NBEA: variants seen among roughly 807,000 people sequenced by gnomAD.
NBEA encodes neurobeachin.
In NBEA, 44 loss-of-function variants were observed where a neutral mutation model predicts 343.4. The ratio of observed to expected loss-of-function variants is 0.13; its 90% CI spans 0.10 to 0.16. The LOEUF is 0.16. Among genes scored for constraint, NBEA ranks in the 10% least tolerant of loss-of-function variants. The probability of loss-of-function intolerance (pLI) is 1.00; values close to 1 mark genes in which losing one functional copy is unlikely to be tolerated. For missense variants in NBEA, 2,555 were observed against 3,631.3 expected (o/e 0.70, Z 7.62); for synonymous variants, 1,175 against 1,238.7 (o/e 0.95, Z 1.08).
intron 36 of NBEA, among the ~76,000 whole-genome samples, chr13:35,337,509 A>G (rs578086622): frequency 6.6e-6 from 1 of 152,228 alleles, no homozygotes; most frequent in South Asian, 2.1e-4. Flanking sequence ...TCAAGCAAAA[A>G]CATACAGAAC....
chr13:35,423,809 A>G (rs566935443), intron 38 of NBEA, among the ~76,000 whole-genome samples: 21 of 151,954 alleles, frequency 1.4e-4, no homozygotes, highest in Non-Finnish European at 2.1e-4. Context: ...ATTTGTTTGT[A>G]TCCTCTTTTA....
chr13:35,340,938 AC>A (rs1316671622), intron 36 of NBEA, among the ~76,000 whole-genome samples: 1 of 152,054 alleles, frequency 6.6e-6, no homozygotes, highest in Non-Finnish European at 1.5e-5. Context: ...GGATAACCAA[AC>A]CTATATTAAA....
At chr13:35,170,847 T>C (rs911869568) in intron 25 of NBEA, among the ~76,000 whole-genome samples, 1 of 151,864 alleles carries the variant, frequency 6.6e-6, no homozygotes, top group Non-Finnish European at 1.5e-5. Context: ...ATCATACATC[T>C]ATAGGAAAGA....
intron 41 of NBEA, among the ~76,000 whole-genome samples, chr13:35,534,835 G>A (rs562209827): frequency 1.3e-5 from 2 of 152,176 alleles, no homozygotes; most frequent in Non-Finnish European, 2.9e-5. Context: ...TTTTTTTGAT[G>A]AACAAATTAT....
intron 1 of NBEA, among the ~76,000 whole-genome samples, chr13:35,005,596 T>C (rs1176329495): frequency 6.6e-6 from 1 of 152,220 alleles, no homozygotes; most frequent in African/African-American, 2.4e-5. Context: ...TGGAGATTGA[T>C]TCCTTGGTAT....
chr13:35,161,990 A>C (rs1447254155), intron 23 of NBEA, 23 bp downstream of exon 23: 4 of 1,511,620 alleles, frequency 2.6e-6, no homozygotes, highest in Non-Finnish European at 3.6e-6. Context: ...CTTTTTTATA[A>C]ATTAAAAGCA....
chr13:35,609,783 A>G (rs1284972775), intron 48 of NBEA, among the ~76,000 whole-genome samples: 3 of 152,198 alleles, frequency 2.0e-5, no homozygotes, highest in Non-Finnish European at 2.9e-5. Flanking sequence ...TATTTAAACT[A>G]GTACTTAATT....
chr13:35,644,923 A>C (rs147015364), intron 49 of NBEA, among the ~76,000 whole-genome samples: 1 of 152,238 alleles, frequency 6.6e-6, no homozygotes, highest in Non-Finnish European at 1.5e-5. Flanking sequence ...GACAGCACTT[A>C]AAGAGATTTA....
rs116622103 is a variant in NBEA at position 35,480,415 on chromosome 13, A to C, written c.6585+7879A>C. Among the ~76,000 whole-genome samples the C allele has an allele frequency of 6.9e-3, 1,048 of 152,232 alleles. 13 individuals are homozygous for C. Among genetic ancestry groups the C allele is most frequent in the African/African-American group, 0.024 (992 of 41,564 alleles). On this transcript the variant is annotated intron_variant, in intron 41 of 58. Transcript: ENST00000379939. Reference sequence around the variant, plus strand: ...CAAATCTCAGTAATTGTAACCTTTCATCTGGAAAAAAGGTATCTGTTAAAG... The same window carrying C: ...CAAATCTCAGTAATTGTAACCTTTCCTCTGGAAAAAAGGTATCTGTTAAAG...
At chr13:35,297,262 T>C (rs1291800408) in intron 35 of NBEA, among the ~76,000 whole-genome samples, 1 of 152,062 alleles carries the variant, frequency 6.6e-6, no homozygotes, top group African/African-American at 2.4e-5. Flanking sequence ...TTCTGTATTA[T>C]TATTGTTATA....
intron 38 of NBEA, among the ~76,000 whole-genome samples, chr13:35,385,715 T>A (rs2042213968): frequency 6.6e-6 from 1 of 151,934 alleles, no homozygotes; most frequent in African/African-American, 2.4e-5. Flanking sequence ...AAAATAATAA[T>A]AAAAAAATAA....
At chr13:35,630,911 A>G (rs141892315) in intron 49 of NBEA, among the ~76,000 whole-genome samples, 102 of 152,252 alleles carry the variant, frequency 6.7e-4, no homozygotes, top group Admixed American at 3.9e-4. Context: ...AATGATTTCA[A>G]GGAATGCTAG....
At chr13:35,570,672 T>C (rs1406250085) in intron 45 of NBEA, among the ~76,000 whole-genome samples, 2 of 152,220 alleles carry the variant, frequency 1.3e-5, no homozygotes, top group Non-Finnish European at 2.9e-5. Flanking sequence ...CTTGATATGT[T>C]AATAAATTAC....
At chr13:35,209,028 A>T (rs548934139) in intron 32 of NBEA, among the ~76,000 whole-genome samples, 174 bp downstream of exon 32, 1 of 152,200 alleles carries the variant, frequency 6.6e-6, no homozygotes, top group South Asian at 2.1e-4. Flanking sequence ...TGTAGAGTGC[A>T]TTTTTTAGTG....
At chr13:35,336,492 T>C (rs2152853231) in intron 36 of NBEA, among the ~76,000 whole-genome samples, 1 of 152,184 alleles carries the variant, frequency 6.6e-6, no homozygotes, top group South Asian at 2.1e-4. Context: ...TAAAACAGAA[T>C]TACCATTTAA....
chr13:35,667,363 C>T lies in NBEA; in HGVS notation c.8465-11C>T. 6.2e-7 allele frequency: 1 copy of T among 1,611,940 alleles called. No homozygotes were observed. On this transcript the variant is annotated splice_polypyrimidine_tract_variant and intron_variant, in intron 56 of 58. Transcript: ENST00000379939. The stretch of plus-strand genomic sequence containing the variant: ...CCAACTGACCCTGGCATTGATGTCC[C>T]CACTTTGCAGAGGGCCCTTGCCTTG...
chr13:35,615,012 C>A (rs1166655042), intron 48 of NBEA, among the ~76,000 whole-genome samples: 2 of 151,422 alleles, frequency 1.3e-5, no homozygotes, highest in African/African-American at 4.9e-5. Flanking sequence ...TCAGGTGCAT[C>A]ATTGTTTTAA....
At chr13:35,315,271 G>A (rs556855246) in intron 36 of NBEA, among the ~76,000 whole-genome samples, 1 of 152,102 alleles carries the variant, frequency 6.6e-6, no homozygotes, top group Non-Finnish European at 1.5e-5. Context: ...GCTGGAGAAA[G>A]CAATTGTGCA....
intron 1 of NBEA, among the ~76,000 whole-genome samples, chr13:34,987,327 T>A (rs1296411784): frequency 6.6e-6 from 1 of 151,098 alleles, no homozygotes; most frequent in Non-Finnish European, 1.5e-5. Flanking sequence ...TGGTCTCCAG[T>A]CTCTTCTGGC....
Sources: gnomAD v4.1 joint callset for allele counts (sites outside exome capture counted in the v4.1 genomes callset) on GRCh38, gnomAD v4.1.1 for gene constraint, MANE v1.5 for transcripts, NCBI Gene and HGNC (gene_info 2026-07-23, HGNC 2026-07-21) for gene names.